Variants in CNTNAP2 observed in about 807,000 individuals in gnomAD.
CNTNAP2 encodes contactin-associated protein-like 2.
Under a neutral mutation model 155.2 loss-of-function variants are expected in CNTNAP2, and 98 were observed. The ratio of observed to expected loss-of-function variants is 0.63; its 90% CI spans 0.54 to 0.75. CNTNAP2 has a LOEUF of 0.75. Ranked by LOEUF, CNTNAP2 falls within the 30% of genes least tolerant of loss-of-function variation. The probability of loss-of-function intolerance (pLI) is 0.00; values close to 1 mark genes in which losing one functional copy is unlikely to be tolerated. For synonymous variants in CNTNAP2, 651 were observed against 631.2 expected (o/e 1.03, Z -0.47); for missense variants, 1,727 against 1,688.1 (o/e 1.02, Z -0.40).
chr7:146,424,508 G>A (rs1483167419), intron 1 of CNTNAP2, among the ~76,000 whole-genome samples: 3 of 152,122 alleles, frequency 2.0e-5, no homozygotes, highest in African/African-American at 7.2e-5. Context: ...TTTTTATCAT[G>A]GTTCAGCAAA....
At chr7:147,676,756 A>G (rs149450155) in intron 13 of CNTNAP2, among the ~76,000 whole-genome samples, 2,492 of 152,004 alleles carry the variant, frequency 0.016, 221 homozygotes, top group Admixed American at 0.15. Context: ...CAATCATGCA[A>G]TATTTGTCTT....
At chr7:148,302,844 A>T (rs377016025) in intron 21 of CNTNAP2, among the ~76,000 whole-genome samples, 4 of 89,736 alleles carry the variant, frequency 4.5e-5, no homozygotes, top group South Asian at 7.8e-4. Flanking sequence ...TTTGAGATTG[A>T]GTCTCTCTCT....
At chr7:146,165,437 TTA>T (rs1436169394) in intron 1 of CNTNAP2, among the ~76,000 whole-genome samples, 2 of 152,204 alleles carry the variant, frequency 1.3e-5, no homozygotes, top group Non-Finnish European at 2.9e-5. Flanking sequence ...TGAAAGACTC[TTA>T]TGACAATTGT....
chr7:146,467,600 C>A (rs1796734631), intron 1 of CNTNAP2, among the ~76,000 whole-genome samples: 1 of 152,140 alleles, frequency 6.6e-6, no homozygotes, highest in South Asian at 2.1e-4. Flanking sequence ...CTTTTGGGTA[C>A]TTTTATTTAT....
chr7:146,510,954 T>C (rs1797456614), intron 1 of CNTNAP2, among the ~76,000 whole-genome samples: 1 of 152,172 alleles, frequency 6.6e-6, no homozygotes, highest in South Asian at 2.1e-4. Flanking sequence ...TGGAGTGCAG[T>C]GGCCTGATCT....
chr7:147,602,192 T>A (rs1463394606), intron 12 of CNTNAP2, among the ~76,000 whole-genome samples: 1 of 151,730 alleles, frequency 6.6e-6, no homozygotes, highest in Admixed American at 6.6e-5. Context: ...TAAAAAAAAA[T>A]GCTACCTGTT....
chr7:148,081,805 T>C (rs1803610289), intron 15 of CNTNAP2, among the ~76,000 whole-genome samples: 1 of 151,910 alleles, frequency 6.6e-6, no homozygotes, highest in South Asian at 2.1e-4. Context: ...CCCGAGCATA[T>C]GATAAATGAC....
At chr7:147,495,704 C>T (rs940919840) in intron 11 of CNTNAP2, among the ~76,000 whole-genome samples, 9 of 152,158 alleles carry the variant, frequency 5.9e-5, no homozygotes, top group Non-Finnish European at 1.0e-4. Context: ...TTTTCAGCAC[C>T]GCTGTAACAA....
At chr7:146,152,614 C>A (rs1798068549) in intron 1 of CNTNAP2, among the ~76,000 whole-genome samples, 1 of 152,020 alleles carries the variant, frequency 6.6e-6, no homozygotes, top group Non-Finnish European at 1.5e-5. Context: ...AGAACATCAT[C>A]TTGTACTGTG....
intron 8 of CNTNAP2, among the ~76,000 whole-genome samples, chr7:147,202,240 T>TA (rs578027774): frequency 0.057 from 2,238 of 39,092 alleles, 59 homozygotes; most frequent in African/African-American, 0.15. Context: ...CTAGCCTGAT[T>TA]TAAAAAAAAA....
At chr7:147,047,258 A>G (rs562543578) in intron 4 of CNTNAP2, among the ~76,000 whole-genome samples, 197 of 142,442 alleles carry the variant, frequency 1.4e-3, no homozygotes, top group Non-Finnish European at 2.5e-3. Context: ...ACAGGTGACC[A>G]CCACCACGCC....
chr7:146,118,271 C>T (rs1797515665), intron 1 of CNTNAP2, among the ~76,000 whole-genome samples: 2 of 152,122 alleles, frequency 1.3e-5, no homozygotes, highest in Non-Finnish European at 2.9e-5. Context: ...GATAAACTAA[C>T]TGGCAATCTA....
intron 8 of CNTNAP2, among the ~76,000 whole-genome samples, chr7:147,182,323 T>G (rs1055253712): frequency 6.6e-6 from 1 of 152,080 alleles, no homozygotes; most frequent in Non-Finnish European, 1.5e-5. Flanking sequence ...AAATGTTTTT[T>G]GGGGTCTTTG....
intron 4 of CNTNAP2, among the ~76,000 whole-genome samples, chr7:147,056,508 A>C (rs557369990): frequency 1.3e-5 from 2 of 152,326 alleles, no homozygotes; most frequent in African/African-American, 4.8e-5. Context: ...TTGGACTCTG[A>C]ACATGGTTGG....
intron 3 of CNTNAP2, among the ~76,000 whole-genome samples, chr7:146,998,477 C>A (rs1563037888): frequency 6.6e-6 from 1 of 151,868 alleles, no homozygotes; most frequent in Non-Finnish European, 1.5e-5. Flanking sequence ...ATTCCCTGTG[C>A]AAGTAAGAAG....
At chr7:148,077,045 C>T (rs1419268676) in intron 15 of CNTNAP2, among the ~76,000 whole-genome samples, 2 of 151,992 alleles carry the variant, frequency 1.3e-5, no homozygotes, top group Admixed American at 6.6e-5. Context: ...TGGTGGGTCA[C>T]GTCTGTAATC....
chr7:146,499,262 A>G (rs1797264638), intron 1 of CNTNAP2, among the ~76,000 whole-genome samples: 1 of 152,130 alleles, frequency 6.6e-6, no homozygotes, highest in African/African-American at 2.4e-5. Context: ...GGCTCACTGC[A>G]ATCTCCACAT....
intron 4 of CNTNAP2, among the ~76,000 whole-genome samples, chr7:147,080,184 C>T (rs1419487727): frequency 6.6e-6 from 1 of 152,094 alleles, no homozygotes; most frequent in Non-Finnish European, 1.5e-5. Context: ...TGGATTTGTG[C>T]ATATTCTAAA....
chr7:146,315,884 T>C (rs1800897385), intron 1 of CNTNAP2, among the ~76,000 whole-genome samples: 1 of 152,192 alleles, frequency 6.6e-6, no homozygotes, highest in Non-Finnish European at 1.5e-5. Context: ...TCATCTGTTC[T>C]CTCTTTTCAT....
Sources: allele counts gnomAD v4.1 joint callset (sites outside exome capture counted in the v4.1 genomes callset), GRCh38; gene constraint gnomAD v4.1.1; transcripts MANE v1.5; gene names NCBI Gene and HGNC (gene_info 2026-07-23, HGNC 2026-07-21).